The following SNX30 variants were observed in gnomAD, a reference collection of about 807,000 sequenced individuals.
SNX30 encodes the protein sorting nexin-30.
SNX30 carries 24 observed loss-of-function variants against 46.4 expected under a neutral mutation model. That is an observed-to-expected ratio of 0.52 (90% CI 0.37 to 0.73). The LOEUF (loss-of-function observed/expected upper bound fraction) is 0.73. SNX30 is among the 30% of genes least tolerant of loss of function. The pLI, the probability that SNX30 is intolerant of heterozygous loss-of-function variation, is 0.00. For missense variants in SNX30, 533 were observed against 555.7 expected, an observed-to-expected ratio of 0.96 and a Z score of 0.41; for synonymous variants, 189 against 211.5, an observed-to-expected ratio of 0.89 and a Z score of 0.92.
chr9:112,830,752 G>T lies in SNX30; in HGVS notation c.487G>T (p.Gly163Cys), dbSNP rs1333867373. Residue 163 changes from glycine to cysteine, a missense_variant, in exon 4 of 9, where the codon GGT (glycine) becomes TGT (cysteine). Coordinates refer to ENST00000374232, the MANE Select transcript of SNX30 (RefSeq NM_001012994.2). The stretch of plus-strand genomic sequence containing the variant: ...TCTTCCCGAGAAGTTTGTGGTAAAA[G>T]GTGTTGTGGATCGTTTTTCAGAAGA... The part of the protein sequence containing the change: ...PPLPEKFVVK[G>C]VVDRFSEEFV... 1.9e-6 allele frequency: 3 copies of T among 1,611,910 alleles called. No homozygotes were observed. Among genetic ancestry groups the T allele is most frequent in the Non-Finnish European group, 2.5e-6 (3 of 1,179,538 alleles).
At chr9:112,862,889 A>T (rs1230139020) in intron 7 of SNX30, among the ~76,000 whole-genome samples, 1 of 151,594 alleles carries the variant, frequency 6.6e-6, no homozygotes, top group African/African-American at 2.4e-5. Flanking sequence ...CCAGAAGCTT[A>T]TGTGCTTTGA....
intron 1 of SNX30, among the ~76,000 whole-genome samples, chr9:112,795,793 A>ACACACACACACG (rs1314355043): frequency 6.6e-6 from 1 of 151,254 alleles, no homozygotes; most frequent in Non-Finnish European, 1.5e-5. Context: ...ACACACACAC[A>ACACACACACACG]CACGCACACA....
intron 6 of SNX30, among the ~76,000 whole-genome samples, chr9:112,842,404 T>C (rs1840874213): frequency 6.6e-6 from 1 of 152,204 alleles, no homozygotes; most frequent in Admixed American, 6.5e-5. Flanking sequence ...CATTTGGAAG[T>C]AGTGGCCTGT....
chr9:112,881,736 G>T (rs377030032), downstream of SNX30: 4 of 152,356 alleles, frequency 2.6e-5, no homozygotes, highest in East Asian at 7.7e-4. Flanking sequence ...AAATAGCCAT[G>T]GTCTCTGCCC....
intron 6 of SNX30, among the ~76,000 whole-genome samples, chr9:112,846,411 C>T (rs910531531): frequency 6.6e-6 from 1 of 152,136 alleles, no homozygotes; most frequent in African/African-American, 2.4e-5. Flanking sequence ...ACATCTAACT[C>T]GCAGGTGGTC....
At chr9:112,862,665 A>G (rs1481820395) in intron 7 of SNX30, among the ~76,000 whole-genome samples, 1 of 151,882 alleles carries the variant, frequency 6.6e-6, no homozygotes, top group Non-Finnish European at 1.5e-5. Context: ...GCTTTGGGGG[A>G]CCGAGGTGGG....
intron 1 of SNX30, among the ~76,000 whole-genome samples, chr9:112,768,565 C>T (rs1417075191): frequency 1.3e-5 from 2 of 149,528 alleles, no homozygotes; most frequent in Non-Finnish European, 3.0e-5. Flanking sequence ...TGGTCCCTAT[C>T]TCAAGAAATT....
At chr9:112,779,924 G>A (rs533901795) in intron 1 of SNX30, among the ~76,000 whole-genome samples, 37 of 152,306 alleles carry the variant, frequency 2.4e-4, no homozygotes, top group Non-Finnish European at 3.8e-4. Flanking sequence ...GAGGAGCAAC[G>A]ACAGGCTGTC....
rs1839324755 is a variant in SNX30, at chr9:112,754,874, C to T, written c.156+3717C>T. Reference sequence around the variant, plus strand: ...CTTAAGCCCCATTGTGTGGCTAACACCTCCTCCCACATCCTCAATCTCTTC... The same window carrying T: ...CTTAAGCCCCATTGTGTGGCTAACATCTCCTCCCACATCCTCAATCTCTTC... On this transcript the variant is annotated intron_variant, in intron 1 of 8. Transcript: ENST00000374232. Among the ~76,000 whole-genome samples the T allele has an allele frequency of 2.0e-5, 3 of 152,308 alleles. No individual in the cohort carries two copies. The South Asian group carries it at 6.2e-4, about 32-fold the overall frequency.
downstream of SNX30, chr9:112,877,430 G>A (rs1387699830): frequency 1.3e-5 from 2 of 152,306 alleles, no homozygotes; most frequent in Non-Finnish European, 2.9e-5. Context: ...GTTGGGGAAT[G>A]AGCATATTGA....
At position 112,868,995 on chromosome 9, in the gene SNX30, A is replaced by G. The variant is rs1841404235; in HGVS notation, c.*152A>G. On this transcript the variant is annotated 3_prime_UTR_variant, in exon 9 of 9. Coordinates refer to ENST00000374232, the MANE Select transcript of SNX30 (RefSeq NM_001012994.2). ...TTTTCCCTCCCCCACCTTTCACCCC[A>G]CAGTGGTTTTCAATTAGTATTTATT... 6 of 728,304 alleles carry G rather than the reference A, an allele frequency of 8.2e-6. No homozygotes were observed. The highest frequency in any genetic ancestry group is 2.4e-6 in the Non-Finnish European group (1 of 425,066). 45.1% of individuals were successfully genotyped at this position (728,304 alleles called of 1,614,324 possible). A position where few individuals can be genotyped will look rare whatever the true frequency, so the allele number is the denominator to read the frequency against.
chr9:112,830,482 A>G (rs188587326), intron 3 of SNX30, among the ~76,000 whole-genome samples: 31 of 152,238 alleles, frequency 2.0e-4, no homozygotes, highest in African/African-American at 7.2e-4. Flanking sequence ...CTGGATAAAT[A>G]TCTACTTTTC....
At chr9:112,782,428 C>G (rs539708264) in intron 1 of SNX30, among the ~76,000 whole-genome samples, 1 of 152,330 alleles carries the variant, frequency 6.6e-6, no homozygotes, top group African/African-American at 2.4e-5. Flanking sequence ...GCTGCCTTTG[C>G]ACTACAACAG....
Position 112,868,897 on chromosome 9 carries a change from A to C in SNX30, c.*54A>C. 1 of 1,551,748 alleles carries C rather than the reference A, an allele frequency of 6.4e-7. No homozygotes were observed. Among genetic ancestry groups the C allele is most frequent in the Non-Finnish European group, 8.9e-7 (1 of 1,123,412 alleles). On this transcript the variant is annotated 3_prime_UTR_variant, in exon 9 of 9. Transcript: ENST00000374232. ...ACCTACACAGGGCCTGGCACCCTAT[A>C]CCGGAATGTCCCTGCAGTGCCAGAG... is the stretch of plus-strand genomic sequence containing the variant.
intron 1 of SNX30, among the ~76,000 whole-genome samples, chr9:112,753,309 C>CT (rs1787203798): frequency 6.6e-6 from 1 of 152,118 alleles, no homozygotes; most frequent in Admixed American, 6.5e-5. Flanking sequence ...AGTCTCAAGT[C>CT]TAATTACCGA....
At chr9:112,840,630 C>T (rs1840839414) in intron 6 of SNX30, among the ~76,000 whole-genome samples, 1 of 151,740 alleles carries the variant, frequency 6.6e-6, no homozygotes, top group Non-Finnish European at 1.5e-5. Context: ...GGATTACAGG[C>T]ACCCGCCACC....
At chr9:112,814,181 T>C (rs1477705687) in intron 2 of SNX30, among the ~76,000 whole-genome samples, 2 of 152,226 alleles carry the variant, frequency 1.3e-5, no homozygotes, top group African/African-American at 2.4e-5. Flanking sequence ...GAAATTATGA[T>C]AGGCAAATGG....
chr9:112,750,601 T>A (rs1242222755), upstream of SNX30: 3 of 152,570 alleles, frequency 2.0e-5, no homozygotes, highest in African/African-American at 7.2e-5. Context: ...GCGCACTTCC[T>A]GCCGGGCGGG....
At chr9:112,823,932 A>G (rs1335464844) in intron 3 of SNX30, among the ~76,000 whole-genome samples, 2 of 152,112 alleles carry the variant, frequency 1.3e-5, no homozygotes, top group African/African-American at 2.4e-5. Flanking sequence ...TTTAATCTCT[A>G]TGCTCCTTTA....
Sources: allele counts gnomAD v4.1 joint callset (sites outside exome capture counted in the v4.1 genomes callset), GRCh38; gene constraint gnomAD v4.1.1; transcripts MANE v1.5; gene names NCBI Gene and HGNC (gene_info 2026-07-23, HGNC 2026-07-21).